NDST3: variants seen among roughly 807,000 people sequenced by gnomAD.
NDST3 encodes N-deacetylase and N-sulfotransferase 3, also known as bifunctional heparan sulfate N-deacetylase/N-sulfotransferase 3.
NDST3 carries 58 observed loss-of-function variants against 96.1 expected under a neutral mutation model. That is an observed-to-expected ratio of 0.60 (90% CI 0.49 to 0.75). The LOEUF (loss-of-function observed/expected upper bound fraction) is 0.75. Ranked by LOEUF, NDST3 falls within the 30% of genes least tolerant of loss-of-function variation. The pLI, the probability that NDST3 is intolerant of heterozygous loss-of-function variation, is 0.00. For synonymous variants in NDST3, 333 were observed against 359.7 expected (o/e 0.93, Z 0.84); for missense variants, 788 against 1,034.2 (o/e 0.76, Z 3.27).
At chr4:118,085,219 A>C (rs1728329977) in intron 2 of NDST3, among the ~76,000 whole-genome samples, 1 of 152,278 alleles carries the variant, frequency 6.6e-6, no homozygotes, top group South Asian at 2.1e-4. Flanking sequence ...GTATCTCCTA[A>C]AATCTTTATT....
intron 1 of NDST3, among the ~76,000 whole-genome samples, chr4:118,035,439 GT>G (rs34646125): frequency 0.58 from 79,484 of 137,706 alleles, 24,406 homozygotes; most frequent in South Asian, 0.78. Context: ...CTTTTTTTTT[GT>G]TTTTTTTTTT....
Position 118,054,953 on chromosome 4 carries a change from C to T in NDST3, c.981+62C>T, listed in dbSNP as rs749383392. 3.1e-6 allele frequency: 5 copies of T among 1,591,666 alleles called. No homozygotes were observed. The South Asian group carries it at 4.4e-5, about 14-fold the overall frequency. On this transcript the variant is annotated intron_variant, in intron 2 of 13. Transcript: ENST00000296499. ...CATCTTCCAGCAGGGATACAACTATCCCAGTTTGTACTACAACTGGGTTAC... is the reference window on the plus strand; with the variant it reads ...CATCTTCCAGCAGGGATACAACTATTCCAGTTTGTACTACAACTGGGTTAC...
At chr4:118,051,777 T>C (rs1252398952) in intron 1 of NDST3, among the ~76,000 whole-genome samples, 2 of 151,932 alleles carry the variant, frequency 1.3e-5, no homozygotes, top group Non-Finnish European at 2.9e-5. Context: ...CCAACAAACA[T>C]GAAAAAATGT....
At chr4:118,201,185 C>T (rs1340736439) in intron 6 of NDST3, among the ~76,000 whole-genome samples, 3 of 152,206 alleles carry the variant, frequency 2.0e-5, no homozygotes, top group Non-Finnish European at 4.4e-5. Context: ...CAATCCACCA[C>T]TGATGGGCAG....
At chr4:118,198,481 GTTT>G (rs1260802470) in intron 6 of NDST3, among the ~76,000 whole-genome samples, 1 of 152,032 alleles carries the variant, frequency 6.6e-6, no homozygotes, top group Non-Finnish European at 1.5e-5. Context: ...CCTGCTTTAA[GTTT>G]TTGTTACTAT....
chr4:118,220,446 G>T (rs1465529359), intron 6 of NDST3, among the ~76,000 whole-genome samples: 1 of 151,746 alleles, frequency 6.6e-6, no homozygotes, highest in Non-Finnish European at 1.5e-5. Context: ...ACTGAGGCCA[G>T]TTAGGGGATG....
intron 6 of NDST3, among the ~76,000 whole-genome samples, chr4:118,161,604 C>T (rs575846398): frequency 5.0e-4 from 76 of 152,276 alleles, no homozygotes; most frequent in African/African-American, 1.6e-3. Context: ...GCCTCGCTGC[C>T]GCCTTGCAGT....
intron 6 of NDST3, chr4:118,193,483 G>A: frequency 2.5e-6 from 2 of 803,802 alleles, no homozygotes; most frequent in Non-Finnish European, 4.1e-6. Context: ...CAGTGAGATT[G>A]TCTCCTGAGG....
intron 6 of NDST3, among the ~76,000 whole-genome samples, chr4:118,182,108 C>T (rs936336494): frequency 6.6e-6 from 1 of 152,088 alleles, no homozygotes; most frequent in Admixed American, 6.6e-5. Flanking sequence ...GCTAGCTACA[C>T]ATGGGGTTCA....
chr4:118,037,264 G>A (rs987520747), intron 1 of NDST3, among the ~76,000 whole-genome samples: 1 of 150,932 alleles, frequency 6.6e-6, no homozygotes. Context: ...CTAGATTTCT[G>A]CTAAGTAGAG....
intron 6 of NDST3, among the ~76,000 whole-genome samples, chr4:118,145,217 G>C (rs1168325542): frequency 6.6e-6 from 1 of 152,116 alleles, no homozygotes; most frequent in Non-Finnish European, 1.5e-5. Flanking sequence ...CAGTCAAAAA[G>C]AGTTAAACCA....
At chr4:118,245,446 A>G (rs186260880) in intron 12 of NDST3, among the ~76,000 whole-genome samples, 1 of 152,330 alleles carries the variant, frequency 6.6e-6, no homozygotes, top group Admixed American at 6.5e-5. Context: ...TTGTGGACAG[A>G]GGTTAGCTAA....
chr4:118,142,198 C>A (rs943036786), intron 5 of NDST3, among the ~76,000 whole-genome samples: 1 of 151,736 alleles, frequency 6.6e-6, no homozygotes, highest in Non-Finnish European at 1.5e-5. Flanking sequence ...ATCATCAGAG[C>A]TAATATTTTA....
At chr4:118,185,544 T>C (rs1237576229) in intron 6 of NDST3, among the ~76,000 whole-genome samples, 1 of 151,820 alleles carries the variant, frequency 6.6e-6, no homozygotes, top group African/African-American at 2.4e-5. Context: ...ACAAATTAAA[T>C]TTAACAGTTT....
chr4:118,248,068 C>G (rs1741434335), intron 12 of NDST3, among the ~76,000 whole-genome samples: 1 of 152,068 alleles, frequency 6.6e-6, no homozygotes, highest in South Asian at 2.1e-4. Context: ...ATAAAAATGT[C>G]AGCCAGGCAC....
chr4:118,079,157 G>A (rs140628046), intron 2 of NDST3, among the ~76,000 whole-genome samples: 96 of 152,314 alleles, frequency 6.3e-4, no homozygotes, highest in African/African-American at 2.3e-3. Context: ...TGGTGGTGTA[G>A]TGGTAGCCAA....
intron 2 of NDST3, among the ~76,000 whole-genome samples, chr4:118,081,751 AT>A (rs1728041978): frequency 2.0e-5 from 3 of 152,128 alleles, no homozygotes; most frequent in Admixed American, 2.0e-4. Flanking sequence ...GTTACAATTT[AT>A]TAGCTGTGAA....
At chr4:118,209,379 G>C (rs779563330) in intron 6 of NDST3, among the ~76,000 whole-genome samples, 1 of 152,122 alleles carries the variant, frequency 6.6e-6, no homozygotes, top group Non-Finnish European at 1.5e-5. Flanking sequence ...GGGTCTTTCA[G>C]AATAATACAG....
At chr4:118,094,905 G>A (rs1729167961) in intron 2 of NDST3, among the ~76,000 whole-genome samples, 1 of 151,880 alleles carries the variant, frequency 6.6e-6, no homozygotes. Context: ...GTGATAGGCT[G>A]AGCATTTATT....
Sources: allele counts gnomAD v4.1 joint callset (sites outside exome capture counted in the v4.1 genomes callset), GRCh38; gene constraint gnomAD v4.1.1; transcripts MANE v1.5; gene names NCBI Gene and HGNC (gene_info 2026-07-23, HGNC 2026-07-21).